PRIM1: variants seen among roughly 807,000 people sequenced by gnomAD.
PRIM1 encodes the protein DNA primase small subunit.
In PRIM1, 38 loss-of-function variants were observed where a neutral mutation model predicts 60.2. That is an observed-to-expected ratio of 0.63 (90% confidence interval 0.49 to 0.83). PRIM1 has a LOEUF of 0.83. Among genes scored for constraint, PRIM1 ranks in the 40% least tolerant of loss-of-function variants. The pLI, the probability that PRIM1 is intolerant of heterozygous loss-of-function variation, is 0.00. For synonymous variants in PRIM1, 158 were observed against 160.2 expected (o/e 0.99, Z 0.10); for missense variants, 388 against 506.2 (o/e 0.77, Z 2.24).
intron 5 of PRIM1, among the ~76,000 whole-genome samples, chr12:56,745,754 C>T (rs1953901724): frequency 6.6e-6 from 1 of 151,986 alleles, no homozygotes; most frequent in South Asian, 2.1e-4. Context: ...GCCTGGCCAA[C>T]ATGGCGAAAC....
In PRIM1 at chr12:56,746,770, C is replaced by T. The variant is rs766376482; in HGVS notation, c.442+11G>A. ...TACACTTGACCCCATTCAGAAACTG[C>T]TGATACTTGCCCTTCAATGCTCTGT... On this transcript the variant is annotated intron_variant, in intron 4 of 12. Transcript: ENST00000338193. 3.1e-6 allele frequency: 5 copies of T among 1,613,260 alleles called. No individual in the cohort carries two copies. Among genetic ancestry groups the T allele is most frequent in the Non-Finnish European group, 4.2e-6 (5 of 1,179,452 alleles).
intron 2 of PRIM1, among the ~76,000 whole-genome samples, chr12:56,749,320 T>C (rs929250317): frequency 6.6e-6 from 1 of 152,170 alleles, no homozygotes; most frequent in Non-Finnish European, 1.5e-5. Flanking sequence ...GTAGCAGATT[T>C]TTTAAAAGCC....
Position 56,741,785 on chromosome 12 carries a change from C to T in PRIM1, c.801G>A (p.Gln267=). The stretch of plus-strand genomic sequence containing the variant: ...CTACTTTCTTCAAGTGCTCCCAACG[C>T]TGAAGTGAATTGTGAGACTTTTGGA... The part of the protein sequence containing the change: ...QSFQKSHNSL[Q]RWEHLKKVAS... The change falls in exon 8 of 13, where the codon CAG becomes CAA. Residue 267 remains glutamine (Q), a synonymous_variant. Transcript: ENST00000338193. 6.2e-7 allele frequency: 1 copy of T among 1,613,958 alleles called. No homozygotes were observed. Among genetic ancestry groups the T allele is most frequent in the Non-Finnish European group, 8.5e-7 (1 of 1,179,884 alleles).
chr12:56,749,163 C>T (rs928024540), intron 2 of PRIM1, among the ~76,000 whole-genome samples: 12 of 152,040 alleles, frequency 7.9e-5, no homozygotes, highest in African/African-American at 2.7e-4. Flanking sequence ...CATGTGCCAC[C>T]GTGCCCGGCT....
intron 5 of PRIM1, among the ~76,000 whole-genome samples, chr12:56,744,456 G>T (rs1953893199): frequency 1.3e-5 from 2 of 151,810 alleles, no homozygotes; most frequent in African/African-American, 4.8e-5. Flanking sequence ...TCGCATCATT[G>T]CACTCTAGCC....
At chr12:56,742,662 A>C (rs976018082) in intron 7 of PRIM1, among the ~76,000 whole-genome samples, 1 of 152,210 alleles carries the variant, frequency 6.6e-6, no homozygotes, top group African/African-American at 2.4e-5. Context: ...CAGTGATGAT[A>C]TAACAGAAAG....
intron 5 of PRIM1, among the ~76,000 whole-genome samples, chr12:56,745,619 T>C (rs1953900592): frequency 6.6e-6 from 1 of 152,170 alleles, no homozygotes; most frequent in South Asian, 2.1e-4. Context: ...GGTAAGATCA[T>C]TTACTCTGCA....
intron 9 of PRIM1, among the ~76,000 whole-genome samples, chr12:56,740,896 C>A (rs1380763935): frequency 6.6e-6 from 1 of 152,116 alleles, no homozygotes; most frequent in Non-Finnish European, 1.5e-5. Flanking sequence ...TCACTGCAGC[C>A]TCAACTTCCC....
At position 56,738,600 on chromosome 12, in the gene PRIM1, G is replaced by A. The variant is rs1404296979; in HGVS notation, c.1053-75C>T. 1.7e-5 allele frequency: 25 copies of A among 1,454,884 alleles called. No homozygotes were observed. The Admixed American group carries it at 3.7e-4, about 21-fold the overall frequency. The allele number at this position is 1,454,884 out of a possible 1,614,324, so 90.1% of individuals were successfully genotyped here. A position where few individuals can be genotyped will look rare whatever the true frequency, so the allele number is the denominator to read the frequency against. The stretch of plus-strand genomic sequence containing the variant: ...CGGAGTCTTGCTCTGTTGCCAGGCC[G>A]GAGTGTGGTGGTGCGATCTTGGCTC... On this transcript the variant is annotated intron_variant, in intron 10 of 12. Coordinates refer to ENST00000338193, the MANE Select transcript of PRIM1 (RefSeq NM_000946.3).
Position 56,731,696 on chromosome 12 carries a change from G to T in PRIM1, c.*19C>A. The T allele has an allele frequency of 6.6e-7, 1 of 1,508,340 alleles. No individual in the cohort carries two copies. The highest frequency in any genetic ancestry group is 9.0e-7 in the Non-Finnish European group (1 of 1,111,726). 93.4% of individuals were successfully genotyped at this position (1,508,340 alleles called of 1,614,324 possible). A position where few individuals can be genotyped will look rare whatever the true frequency, so the allele number is the denominator to read the frequency against. On this transcript the variant is annotated 3_prime_UTR_variant, in exon 13 of 13. Transcript: ENST00000338193. ...GTTGAAGGCAGAAGATATCCACAAT[G>T]GTTTGAGGAGCTCTGTCTTCAGAAA...
In PRIM1 at chr12:56,734,778, T is replaced by TA. The variant is rs1555228415; in HGVS notation, c.1145-534_1145-533insT. Among the ~76,000 whole-genome samples the TA allele has an allele frequency of 6.7e-3, 943 of 140,274 alleles. 15 individuals carry two copies. Among genetic ancestry groups the TA allele is most frequent in the African/African-American group, 0.024 (878 of 37,280 alleles). 92.0% of individuals were successfully genotyped at this position (140,274 alleles called of 152,430 possible). A position where few individuals can be genotyped will look rare whatever the true frequency, so the allele number is the denominator to read the frequency against. On this transcript the variant is annotated intron_variant, in intron 11 of 12. Transcript: ENST00000338193. ...TCTCTTTCATACAAGTCTTTTATAT[T>TA]TATATATATATATATAATATATATA...
Position 56,752,229 on chromosome 12 carries a change from A to T in PRIM1, c.70T>A (p.Ser24Thr), listed in dbSNP as rs371040574. The change falls in exon 1 of 13, where the codon TCT becomes ACT. Residue 24 changes from serine (S) to threonine (T), a missense_variant. Physicochemically the swap from Ser to Thr is moderately conservative, Grantham distance 58. This residue lies in a region of PRIM1 where 156 missense variants were observed against 175.8 expected (regional missense o/e 0.89). Coordinates refer to ENST00000338193, the MANE Select transcript of PRIM1 (RefSeq NM_000946.3). ...KLYYRRLFPYSQYYRWLNYGG... is the reference protein window; with the variant it reads ...KLYYRRLFPYTQYYRWLNYGG... ...TAGTTGAGCCAGCGATAGTACTGAG[A>T]GTAGGGAAAGAGCCTCCGGTAATAA... 7 of 1,603,406 alleles carry T rather than the reference A, an allele frequency of 4.4e-6. No individual in the cohort carries two copies. In the East Asian group the frequency reaches 9.0e-5, roughly 21 times the overall value.
intron 12 of PRIM1, among the ~76,000 whole-genome samples, chr12:56,733,840 C>A (rs1385486527): frequency 1.3e-5 from 2 of 152,050 alleles, no homozygotes; most frequent in Non-Finnish European, 2.9e-5. Flanking sequence ...ATCCAACTGC[C>A]TTGGTCTCCC....
Position 56,746,073 on chromosome 12 carries a change from C to A in PRIM1, c.551G>T (p.Gly184Val), listed in dbSNP as rs759013282. ...TACAAGGCTCAAATACTCAACTATC[C>A]CAGAACGTACTGCAGAAGACAGTTT... is the stretch of plus-strand genomic sequence containing the variant. The part of the protein sequence containing the change: ...VRKLSSAVRS[G>V]IVEYLSLVKG... Residue 184 changes from glycine to valine, a missense_variant, in exon 5 of 13, where the codon GGG (glycine) becomes GTG (valine). Gly to Val is a moderately radical substitution (Grantham distance 109). Coordinates refer to ENST00000338193, the MANE Select transcript of PRIM1 (RefSeq NM_000946.3). The A allele has an allele frequency of 4.3e-6, 7 of 1,612,086 alleles. No homozygotes were observed. The Admixed American group carries it at 1.2e-4, about 27-fold the overall frequency.
chr12:56,738,405 T>G, intron 11 of PRIM1, 29 bp downstream of exon 11: 1 of 1,527,118 alleles, frequency 6.5e-7, no homozygotes, highest in Non-Finnish European at 8.8e-7. Context: ...ACCCTGTATT[T>G]AAAGTGAAGC....
intron 12 of PRIM1, among the ~76,000 whole-genome samples, chr12:56,733,003 C>G (rs1417805834): frequency 1.3e-5 from 2 of 151,192 alleles, no homozygotes; most frequent in Non-Finnish European, 2.9e-5. Flanking sequence ...TACAGGCGCA[C>G]AATACCACGC....
Position 56,741,727 on chromosome 12 carries a change from A to G in PRIM1, c.840+19T>C. On this transcript the variant is annotated intron_variant, in intron 8 of 12. Coordinates refer to ENST00000338193, the MANE Select transcript of PRIM1 (RefSeq NM_000946.3). ...AATTGCATTATTATATCTGTAATAC[A>G]GATTTCAGTGGCATATACCTGATAT... is the stretch of plus-strand genomic sequence containing the variant. The G allele has an allele frequency of 6.2e-7, 1 of 1,607,824 alleles. No individual in the cohort carries two copies. Among genetic ancestry groups the G allele is most frequent in the East Asian group, 2.2e-5 (1 of 44,856 alleles).
chr12:56,736,593 T>TCCCG (rs1403824127), intron 11 of PRIM1, among the ~76,000 whole-genome samples: 1 of 151,972 alleles, frequency 6.6e-6, no homozygotes, highest in East Asian at 1.9e-4. Context: ...AACCTCTGCC[T>TCCCG]CCCGGGCTCA....
At chr12:56,751,280 T>C in intron 1 of PRIM1, 85 bp from the exon 2 acceptor site, 9 of 1,048,240 alleles carry the variant, frequency 8.6e-6, no homozygotes, top group Non-Finnish European at 1.2e-5. Context: ...AGAAGTTTTT[T>C]TTTTCGGTGA....
Sources: gnomAD v4.1 joint callset for allele counts (sites outside exome capture counted in the v4.1 genomes callset) on GRCh38, gnomAD v4.1.1 for gene constraint, gnomAD v4.1.1 regional missense constraint, MANE v1.5 for transcripts, NCBI Gene and HGNC (gene_info 2026-07-23, HGNC 2026-07-21) for gene names.